Variants in ZFAT observed in about 807,000 individuals in gnomAD.
ZFAT encodes the protein zinc finger protein ZFAT.
Under a neutral mutation model 117.7 loss-of-function variants are expected in ZFAT, and 64 were observed. The observed-to-expected ratio is 0.54, with a 90% CI of 0.44 to 0.67. The LOEUF is 0.67. Among genes scored for constraint, ZFAT ranks in the 30% least tolerant of loss-of-function variants. The pLI is 0.00. For missense variants in ZFAT, 1,433 were observed against 1,584.5 expected, an observed-to-expected ratio of 0.90 and a Z score of 1.62; for synonymous variants, 679 against 615.0, an observed-to-expected ratio of 1.10 and a Z score of -1.54.
At chr8:134,522,610 C>A (rs988126759) in intron 12 of ZFAT, among the ~76,000 whole-genome samples, 7 of 152,138 alleles carry the variant, frequency 4.6e-5, no homozygotes, top group African/African-American at 1.7e-4. Flanking sequence ...TTGGCAAAGC[C>A]CTCCACGTCC....
rs1049700135 is a variant in ZFAT at position 134,646,141 on chromosome 8, G to A, written c.197-8429C>T. ...GGAGAATCGCTTGAAACTGGAAGGC[G>A]GAGGTTGCAGTGAGCCGAGATCACG... is the stretch of plus-strand genomic sequence containing the variant. On this transcript the variant is annotated intron_variant, in intron 2 of 15. Transcript: ENST00000377838. 8.5e-5 allele frequency among the ~76,000 whole-genome samples: 13 copies of A among 152,172 alleles called. 1 individual carries two copies. The highest frequency in any genetic ancestry group is 4.6e-4 in the Admixed American group (7 of 15,292).
At chr8:134,583,789 C>A in intron 10 of ZFAT, 43 bp downstream of exon 10, 1 of 1,600,472 alleles carries the variant, frequency 6.2e-7, no homozygotes, top group Non-Finnish European at 8.5e-7. Flanking sequence ...AGCTTCAAAC[C>A]ACACATTTAG....
At chr8:134,654,149 G>T (rs916308899) in intron 2 of ZFAT, among the ~76,000 whole-genome samples, 1 of 152,140 alleles carries the variant, frequency 6.6e-6, no homozygotes, top group South Asian at 2.1e-4. Flanking sequence ...ACAAAAATTA[G>T]CTGGGTGTGG....
chr8:134,704,334 C>G (rs116762597), intron 1 of ZFAT, among the ~76,000 whole-genome samples: 2 of 152,170 alleles, frequency 1.3e-5, no homozygotes, highest in African/African-American at 2.4e-5. Flanking sequence ...CAGGGCTGCA[C>G]GTAGGAAACC....
At chr8:134,560,169 T>C (rs530562666) in intron 11 of ZFAT, among the ~76,000 whole-genome samples, 1 of 152,112 alleles carries the variant, frequency 6.6e-6, no homozygotes, top group South Asian at 2.1e-4. Context: ...ACCATTTTGG[T>C]ATGGGGTTGT....
At chr8:134,730,332 C>T in the ZFAT span, among the ~76,000 whole-genome samples, 1 of 152,372 alleles carries the variant, frequency 6.6e-6, no homozygotes, top group South Asian at 2.1e-4. Context: ...TCTCCCATGA[C>T]TCTCGCCTTT....
At chr8:134,665,990 C>A (rs1350385388) in intron 1 of ZFAT, among the ~76,000 whole-genome samples, 1 of 152,150 alleles carries the variant, frequency 6.6e-6, no homozygotes, top group East Asian at 1.9e-4. Flanking sequence ...GACAGAGCAC[C>A]CCTTCCCATT....
intron 11 of ZFAT, among the ~76,000 whole-genome samples, chr8:134,540,191 T>C (rs891357626): frequency 7.9e-5 from 12 of 152,078 alleles, no homozygotes; most frequent in Admixed American, 7.2e-4. Flanking sequence ...CACACTGGAA[T>C]GCAGGGGCAG....
chr8:134,620,926 TC>T (rs1292612351), intron 3 of ZFAT, among the ~76,000 whole-genome samples: 1 of 152,152 alleles, frequency 6.6e-6, no homozygotes, highest in Non-Finnish European at 1.5e-5. Flanking sequence ...AAACTCCAAG[TC>T]CTCTAGATGC....
chr8:134,810,860 T>C, the ZFAT span, among the ~76,000 whole-genome samples: 1 of 152,212 alleles, frequency 6.6e-6, no homozygotes, highest in Non-Finnish European at 1.5e-5. Context: ...CTGAATAGTC[T>C]GCTGACCATG....
At chr8:134,631,531 A>G (rs978165435) in intron 3 of ZFAT, among the ~76,000 whole-genome samples, 9 of 152,240 alleles carry the variant, frequency 5.9e-5, no homozygotes, top group Non-Finnish European at 1.3e-4. Flanking sequence ...ACTTAGGTCT[A>G]AAAGGGGAGT....
chr8:134,611,353 G>T (rs1318328602), intron 3 of ZFAT, among the ~76,000 whole-genome samples: 1 of 152,230 alleles, frequency 6.6e-6, no homozygotes, highest in Non-Finnish European at 1.5e-5. Flanking sequence ...GGAAACAATG[G>T]TGTTCCAATC....
At chr8:134,702,336 A>C (rs1368472826) in intron 1 of ZFAT, among the ~76,000 whole-genome samples, 1 of 152,218 alleles carries the variant, frequency 6.6e-6, no homozygotes, top group Non-Finnish European at 1.5e-5. Context: ...TTTTCTTGGA[A>C]TAGGATTGCT....
the ZFAT span, chr8:134,796,592 G>A: frequency 5.9e-5 from 9 of 152,052 alleles, no homozygotes; most frequent in Admixed American, 5.9e-4. Flanking sequence ...AATAAGAAAG[G>A]ACATCTGCTT....
At chr8:134,554,590 A>T (rs1458738795) in intron 11 of ZFAT, among the ~76,000 whole-genome samples, 2 of 152,168 alleles carry the variant, frequency 1.3e-5, no homozygotes, top group Non-Finnish European at 2.9e-5. Context: ...TACAAAGTAC[A>T]CAAGGCCTTC....
At chr8:134,514,748 C>T (rs191518405) in intron 13 of ZFAT, among the ~76,000 whole-genome samples, 18 of 152,272 alleles carry the variant, frequency 1.2e-4, no homozygotes, top group Admixed American at 3.3e-4. Context: ...AGCAGAGAGA[C>T]GGGTCTAATA....
At chr8:134,483,307 G>T (rs1024614998) in intron 15 of ZFAT, among the ~76,000 whole-genome samples, 1 of 152,042 alleles carries the variant, frequency 6.6e-6, no homozygotes, top group Non-Finnish European at 1.5e-5. Context: ...TCCTGGCCTC[G>T]TGACTTATGT....
the ZFAT span, among the ~76,000 whole-genome samples, chr8:134,817,436 C>CACACACACACA: frequency 2.0e-3 from 258 of 126,912 alleles, 2 homozygotes; most frequent in Non-Finnish European, 2.4e-3. Flanking sequence ...CACACACACA[C>CACACACACACA]AACGCACCCT....
the ZFAT span, chr8:134,723,818 A>G: frequency 6.6e-6 from 1 of 152,240 alleles, no homozygotes; most frequent in Non-Finnish European, 1.5e-5. Context: ...ACATTTATGA[A>G]GTTCCCGCAG....
Sources: allele counts gnomAD v4.1 joint callset (sites outside exome capture counted in the v4.1 genomes callset), GRCh38; gene constraint gnomAD v4.1.1; transcripts MANE v1.5; gene names NCBI Gene and HGNC (gene_info 2026-07-23, HGNC 2026-07-21).